The following USP48 variants were observed in gnomAD, a reference collection of about 807,000 sequenced individuals.
USP48 encodes ubiquitin specific peptidase 48.
A neutral mutation model predicts 150.7 loss-of-function variants in USP48; 43 were observed. That is an observed-to-expected ratio of 0.29 (90% CI 0.22 to 0.37). The LOEUF (loss-of-function observed/expected upper bound fraction) is 0.37. Among genes scored for constraint, USP48 ranks in the 10% least tolerant of loss-of-function variants. The pLI, the probability that USP48 is intolerant of heterozygous loss-of-function variation, is 1.00. For synonymous variants in USP48, 396 were observed against 425.9 expected (o/e 0.93, Z 0.86); for missense variants, 813 against 1,249.6 (o/e 0.65, Z 5.27).
chr1:21,719,083 T>C (rs2097712441), intron 14 of USP48, among the ~76,000 whole-genome samples: 1 of 150,640 alleles, frequency 6.6e-6, no homozygotes, highest in East Asian at 2.0e-4. Flanking sequence ...CTGGCCAACA[T>C]GGTGAAACCC....
intron 23 of USP48, among the ~76,000 whole-genome samples, chr1:21,691,858 T>C (rs1482616425): frequency 6.6e-6 from 1 of 152,220 alleles, no homozygotes; most frequent in Non-Finnish European, 1.5e-5. Context: ...CATATTAGTA[T>C]GCTTTTTAAC....
chr1:21,750,508 C>T (rs2097807885), intron 6 of USP48, among the ~76,000 whole-genome samples: 1 of 152,074 alleles, frequency 6.6e-6, no homozygotes, highest in Admixed American at 6.6e-5. Flanking sequence ...GTGCCTACAC[C>T]ACTACTTTGT....
intron 1 of USP48, among the ~76,000 whole-genome samples, chr1:21,779,177 G>A (rs1337439927): frequency 6.6e-6 from 1 of 152,126 alleles, no homozygotes; most frequent in African/African-American, 2.4e-5. Flanking sequence ...GTTCAAGGCT[G>A]CAGTGAGCCA....
intron 25 of USP48, among the ~76,000 whole-genome samples, chr1:21,683,317 T>C (rs1046216605): frequency 2.0e-5 from 3 of 152,218 alleles, no homozygotes; most frequent in African/African-American, 7.2e-5. Flanking sequence ...AGCTTATATT[T>C]TGATACATGC....
intron 13 of USP48, 53 bp from the exon 14 acceptor site, chr1:21,721,219 C>T: frequency 2.5e-6 from 4 of 1,597,548 alleles, no homozygotes; most frequent in Non-Finnish European, 3.4e-6. Context: ...CAAACACTGT[C>T]CTCCCTTCTT....
intron 1 of USP48, among the ~76,000 whole-genome samples, chr1:21,758,185 AACACACACACACACACACACAC>A (rs149088635): frequency 7.1e-6 from 1 of 141,352 alleles, no homozygotes; most frequent in Non-Finnish European, 1.5e-5. Flanking sequence ...GCAACTGTAA[AACACACACACACACACACACAC>A]ACACACACAC....
Position 21,679,116 on chromosome 1 carries a change from T to C in USP48, c.*301A>G. The stretch of plus-strand genomic sequence containing the variant: ...TCCCCTCCCACGACTATAAATCTCA[T>C]ATGTAAACATGATTTACTATTACTG... On this transcript the variant is annotated 3_prime_UTR_variant, in exon 27 of 27. Transcript: ENST00000308271. 2.1e-6 allele frequency: 1 copy of C among 477,220 alleles called. No individual in the cohort carries two copies. Among genetic ancestry groups the C allele is most frequent in the Non-Finnish European group, 3.8e-6 (1 of 263,606 alleles). 29.6% of individuals were successfully genotyped at this position (477,220 alleles called of 1,614,324 possible).
At chr1:21,690,295 G>C (rs1314792500) in intron 23 of USP48, among the ~76,000 whole-genome samples, 196 bp from the exon 24 acceptor site, 1 of 151,760 alleles carries the variant, frequency 6.6e-6, no homozygotes, top group Non-Finnish European at 1.5e-5. Context: ...ACATCCTTAA[G>C]AGGTCTGGTA....
intron 14 of USP48, among the ~76,000 whole-genome samples, chr1:21,715,736 T>C (rs994551509): frequency 4.6e-5 from 7 of 152,246 alleles, no homozygotes; most frequent in East Asian, 1.9e-4. Context: ...CTATTAATTC[T>C]AGTCAAAGTA....
intron 1 of USP48, among the ~76,000 whole-genome samples, chr1:21,759,519 G>A (rs1034213394): frequency 1.3e-5 from 2 of 152,102 alleles, no homozygotes; most frequent in African/African-American, 4.8e-5. Context: ...AGAAATAACT[G>A]GCTGATTCCA....
intron 1 of USP48, among the ~76,000 whole-genome samples, chr1:21,772,201 T>C (rs1397104337): frequency 1.3e-5 from 2 of 151,288 alleles, no homozygotes; most frequent in African/African-American, 4.9e-5. Context: ...AATTGGGAAA[T>C]CCAGAAACCA....
At chr1:21,710,127 C>T (rs556585674) in intron 15 of USP48, among the ~76,000 whole-genome samples, 1 of 152,146 alleles carries the variant, frequency 6.6e-6, no homozygotes, top group South Asian at 2.1e-4. Flanking sequence ...AACTTGTATC[C>T]TGCAATGAAA....
At chr1:21,684,328 A>G (rs1476133752) in intron 25 of USP48, among the ~76,000 whole-genome samples, 2 of 152,198 alleles carry the variant, frequency 1.3e-5, no homozygotes, top group African/African-American at 4.8e-5. Flanking sequence ...ATGCTAACTG[A>G]TAAGATGGTA....
chr1:21,684,810 C>T (rs2097576348), intron 25 of USP48, among the ~76,000 whole-genome samples: 1 of 152,110 alleles, frequency 6.6e-6, no homozygotes, highest in East Asian at 1.9e-4. Flanking sequence ...TGCCCTTTCC[C>T]CAGTGTATGT....
intron 3 of USP48, among the ~76,000 whole-genome samples, chr1:21,754,977 T>C (rs2097827873): frequency 6.6e-6 from 1 of 152,182 alleles, no homozygotes; most frequent in African/African-American, 2.4e-5. Context: ...ATCCGTTGGA[T>C]GTTCTCTTTC....
At chr1:21,680,038 C>T (rs2097561568) in intron 26 of USP48, among the ~76,000 whole-genome samples, 1 of 152,118 alleles carries the variant, frequency 6.6e-6, no homozygotes, top group Non-Finnish European at 1.5e-5. Context: ...GTTTTGACCC[C>T]ATCAGGAGTC....
intron 9 of USP48, among the ~76,000 whole-genome samples, chr1:21,731,620 C>T (rs1051979310): frequency 6.6e-6 from 1 of 151,466 alleles, no homozygotes; most frequent in Admixed American, 6.6e-5. Context: ...GTGGCTCATG[C>T]CTGTAATCCC....
At chr1:21,736,690 G>A in intron 8 of USP48, 65 bp from the exon 9 acceptor site, 3 of 1,283,330 alleles carry the variant, frequency 2.3e-6, no homozygotes, top group Non-Finnish European at 3.1e-6. Context: ...TCCTGAGCCT[G>A]AATTGTAATG....
chr1:21,724,198 T>C (rs1479693542), intron 11 of USP48, 103 bp from the exon 12 acceptor site: 3 of 1,163,924 alleles, frequency 2.6e-6, no homozygotes, highest in African/African-American at 1.5e-5. Flanking sequence ...TGTCCAGAGT[T>C]AGCAGAATCA....
Sources: gnomAD v4.1 joint callset for allele counts (sites outside exome capture counted in the v4.1 genomes callset) on GRCh38, gnomAD v4.1.1 for gene constraint, MANE v1.5 for transcripts, NCBI Gene and HGNC (gene_info 2026-07-23, HGNC 2026-07-21) for gene names.